The following EFHD2 variants were observed in gnomAD, a reference collection of about 807,000 sequenced individuals.
EFHD2 encodes EF-hand domain-containing protein D2.
Under a neutral mutation model 20.3 loss-of-function variants are expected in EFHD2, and 12 were observed. The observed-to-expected ratio is 0.59, with a 90% CI of 0.38 to 0.96. The LOEUF (loss-of-function observed/expected upper bound fraction) is 0.96, where lower values mean the gene tolerates loss of function less well. Ranked by LOEUF, EFHD2 falls within the 40% of genes least tolerant of loss-of-function variation. The pLI, the probability that EFHD2 is intolerant of heterozygous loss-of-function variation, is 0.00. For synonymous variants in EFHD2, 131 were observed against 143.9 expected (o/e 0.91, Z 0.64); for missense variants, 250 against 334.3 (o/e 0.75, Z 1.97).
intron 1 of EFHD2, among the ~76,000 whole-genome samples, chr1:15,416,570 T>C (rs1443917524): frequency 6.6e-6 from 1 of 152,220 alleles, no homozygotes; most frequent in Non-Finnish European, 1.5e-5. Context: ...AGTCCTTTCT[T>C]ATCCTGCAAC....
At position 15,412,808 on chromosome 1, in the gene EFHD2, T is replaced by A. The variant is rs80133154; in HGVS notation, c.308+2529T>A. Among the ~76,000 whole-genome samples, 687 of 152,356 alleles carry A rather than the reference T, an allele frequency of 4.5e-3. 4 individuals carry two copies. Among genetic ancestry groups the A allele is most frequent in the Non-Finnish European group, 7.0e-3 (479 of 68,044 alleles). On this transcript the variant is annotated intron_variant, in intron 1 of 3. Coordinates refer to ENST00000375980, the MANE Select transcript of EFHD2 (RefSeq NM_024329.6). ...TTTGCGCAGCAAACTCACTTTTTTT[T>A]ACATAGGCTGTTTCTGGTCTAGTTT...
rs1164197507 is a variant in EFHD2 at position 15,426,724 on chromosome 1, C to T, written c.457-426C>T. Among the ~76,000 whole-genome samples the T allele has an allele frequency of 6.6e-6, 1 of 152,096 alleles. No individual in the cohort carries two copies. Among genetic ancestry groups the T allele is most frequent in the Admixed American group, 6.5e-5 (1 of 15,278 alleles). ...AGCTTAGAGTTCGAGAGCAGGGTTC[C>T]ATCCCTCTGACACGTTCAGGCGCTG... On this transcript the variant is annotated intron_variant, in intron 2 of 3. Transcript: ENST00000375980. This position sits in a 1 kb window ranked among gnomAD's most constrained non-coding sequence, Gnocchi z 4.6.
rs141417490 is a variant in EFHD2 at position 15,412,307 on chromosome 1, G to A, written c.308+2028G>A. 4.2e-3 allele frequency among the ~76,000 whole-genome samples: 646 copies of A among 152,142 alleles called. 6 individuals are homozygous for A. Among genetic ancestry groups the A allele is most frequent in the African/African-American group, 0.014 (580 of 41,520 alleles). On this transcript the variant is annotated intron_variant, in intron 1 of 3. Transcript: ENST00000375980. ...AGTGCAGAGCTGATTCAGACACCAC[G>A]GAGATCCCTGTGCTGATAGTGCTGA...
chr1:15,424,018 C>T (rs527860082), intron 1 of EFHD2, among the ~76,000 whole-genome samples: 7 of 151,410 alleles, frequency 4.6e-5, no homozygotes, highest in African/African-American at 9.7e-5. Context: ...ATTGACACCC[C>T]GTCTCTACAA....
chr1:15,421,656 C>T (rs1237324969), intron 1 of EFHD2, among the ~76,000 whole-genome samples: 1 of 152,218 alleles, frequency 6.6e-6, no homozygotes, highest in African/African-American at 2.4e-5. Flanking sequence ...GACACTTTAT[C>T]TGCACTTCCT....
intron 1 of EFHD2, among the ~76,000 whole-genome samples, chr1:15,425,524 CAA>C (rs111906187): frequency 2.3e-4 from 33 of 141,178 alleles, no homozygotes; most frequent in African/African-American, 8.5e-4. Context: ...GACTCCATCT[CAA>C]AAAAAAAAAA....
chr1:15,428,728 G>T lies in EFHD2; in HGVS notation c.*4G>T. ...GCTGCAGTCCACCTTTAAGTAGCGGGGGCTGCAGCCGACCGCCCTGCTCCG... is the reference window on the plus strand; with the variant it reads ...GCTGCAGTCCACCTTTAAGTAGCGGTGGCTGCAGCCGACCGCCCTGCTCCG... On this transcript the variant is annotated 3_prime_UTR_variant, in exon 4 of 4. Transcript: ENST00000375980. The T allele has an allele frequency of 1.3e-6, 2 of 1,577,562 alleles. No homozygotes were observed. Among genetic ancestry groups the T allele is most frequent in the Non-Finnish European group, 1.7e-6 (2 of 1,162,802 alleles).
chr1:15,411,903 C>T (rs1707531019), intron 1 of EFHD2, among the ~76,000 whole-genome samples: 1 of 152,178 alleles, frequency 6.6e-6, no homozygotes, highest in Admixed American at 6.5e-5. Flanking sequence ...TGACCCTACT[C>T]ACCACAGCTT....
At chr1:15,427,331 A>ACC in intron 3 of EFHD2, 47 bp downstream of exon 3, 1 of 1,573,208 alleles carries the variant, frequency 6.4e-7, no homozygotes, top group Non-Finnish European at 8.6e-7. Context: ...GGACAAGGGG[A>ACC]CCCTGGGTTG....
At chr1:15,425,791 C>G (rs1006275557) in intron 1 of EFHD2, 80 bp from the exon 2 acceptor site, 1 of 1,534,850 alleles carries the variant, frequency 6.5e-7, no homozygotes, top group Non-Finnish European at 8.7e-7. Context: ...GCCCTCTGAT[C>G]CCCCAGTCTC....
intron 1 of EFHD2, among the ~76,000 whole-genome samples, chr1:15,419,893 G>T (rs1707759006): frequency 6.6e-6 from 1 of 152,178 alleles, no homozygotes; most frequent in Admixed American, 6.5e-5. Flanking sequence ...CCGAGGGAAG[G>T]TTCCTCGCTC....
At chr1:15,423,127 G>A (rs1265603132) in intron 1 of EFHD2, among the ~76,000 whole-genome samples, 1 of 152,188 alleles carries the variant, frequency 6.6e-6, no homozygotes, top group Non-Finnish European at 1.5e-5. Flanking sequence ...GACCAGAGAT[G>A]GCAGGAGGCG....
At chr1:15,422,084 C>CTTTTT (rs1557500519) in intron 1 of EFHD2, among the ~76,000 whole-genome samples, 1 of 128,532 alleles carries the variant, frequency 7.8e-6, no homozygotes, top group African/African-American at 2.9e-5. Context: ...CAGGTCATTC[C>CTTTTT]ATTTTTTTTT....
chr1:15,421,371 G>T (rs1707789119), intron 1 of EFHD2, among the ~76,000 whole-genome samples: 1 of 152,130 alleles, frequency 6.6e-6, no homozygotes, highest in African/African-American at 2.4e-5. Context: ...CTCCTCCACG[G>T]CTACCTCTGG....
chr1:15,418,496 G>A (rs34470414), intron 1 of EFHD2, among the ~76,000 whole-genome samples: 2,457 of 150,548 alleles, frequency 0.016, 36 homozygotes, highest in South Asian at 0.084. Flanking sequence ...TAGTAGAGAC[G>A]GGGTTTCACC....
rs576149418 is a variant in EFHD2, at chr1:15,428,933, G to A, written c.*209G>A. On this transcript the variant is annotated 3_prime_UTR_variant, in exon 4 of 4. Transcript: ENST00000375980. Reference sequence around the variant, plus strand: ...CACTCTGCACGAGGCCGCCACACCGGCGCTGGCTCCCTGCCCGGCCCGGCC... The same window carrying A: ...CACTCTGCACGAGGCCGCCACACCGACGCTGGCTCCCTGCCCGGCCCGGCC... The A allele has an allele frequency of 2.8e-6, 2 of 707,078 alleles. No homozygotes were observed. Among genetic ancestry groups the A allele is most frequent in the South Asian group, 1.9e-5 (1 of 52,916 alleles). 43.8% of individuals were successfully genotyped at this position (707,078 alleles called of 1,614,324 possible).
At chr1:15,417,989 T>TC (rs1707708730) in intron 1 of EFHD2, among the ~76,000 whole-genome samples, 1 of 137,840 alleles carries the variant, frequency 7.3e-6, no homozygotes, top group Admixed American at 7.1e-5. Context: ...TTCTTTTTTT[T>TC]TTTTTTTTTT....
chr1:15,428,510 A>G, intron 3 of EFHD2, 83 bp from the exon 4 acceptor site: 3 of 1,481,358 alleles, frequency 2.0e-6, no homozygotes, highest in Admixed American at 5.1e-5. Context: ...AAAATTAAAG[A>G]AAAAAGAAAA....
At chr1:15,412,165 C>T (rs2496327) in intron 1 of EFHD2, among the ~76,000 whole-genome samples, 19,307 of 151,808 alleles carry the variant, frequency 0.13, 1,391 homozygotes, top group Middle Eastern at 0.24. Context: ...CAGCAGAAGA[C>T]TGGCGAGATT....
Sources: gnomAD v4.1 joint callset for allele counts (sites outside exome capture counted in the v4.1 genomes callset) on GRCh38, gnomAD v4.1.1 for gene constraint, Gnocchi (gnomAD v3.1) non-coding constraint, MANE v1.5 for transcripts, NCBI Gene and HGNC (gene_info 2026-07-23, HGNC 2026-07-21) for gene names.